CNTNAP2: variants seen among roughly 807,000 people sequenced by gnomAD.
The protein encoded by CNTNAP2 is contactin-associated protein-like 2.
Under a neutral mutation model 155.2 loss-of-function variants are expected in CNTNAP2, and 98 were observed. The observed-to-expected ratio is 0.63, with a 90% CI of 0.54 to 0.75. The LOEUF is 0.75. Among genes scored for constraint, CNTNAP2 ranks in the 30% least tolerant of loss-of-function variants. CNTNAP2 has a pLI of 0.00. For missense variants in CNTNAP2, 1,727 were observed against 1,688.1 expected, an observed-to-expected ratio of 1.02 and a Z score of -0.40; for synonymous variants, 651 against 631.2, an observed-to-expected ratio of 1.03 and a Z score of -0.47.
intron 14 of CNTNAP2, among the ~76,000 whole-genome samples, chr7:147,969,093 C>T (rs916026555): frequency 1.3e-5 from 2 of 152,166 alleles, no homozygotes; most frequent in African/African-American, 4.8e-5. Context: ...GACAAAATGT[C>T]TTGCTCTATA....
intron 1 of CNTNAP2, among the ~76,000 whole-genome samples, chr7:146,672,999 AT>A (rs888412684): frequency 3.9e-5 from 6 of 151,956 alleles, no homozygotes; most frequent in Non-Finnish European, 2.9e-5. Flanking sequence ...CTGCTCAGCA[AT>A]TTTTTTTCTT....
chr7:147,726,235 G>A (rs1006773532), intron 13 of CNTNAP2, among the ~76,000 whole-genome samples: 10 of 151,896 alleles, frequency 6.6e-5, no homozygotes, highest in African/African-American at 2.4e-4. Context: ...AATTTATTGA[G>A]AGAGATCTTG....
At chr7:146,843,856 G>A (rs190158551) in intron 3 of CNTNAP2, among the ~76,000 whole-genome samples, 7 of 152,154 alleles carry the variant, frequency 4.6e-5, no homozygotes, top group Admixed American at 4.6e-4. Flanking sequence ...ATATAGAGAA[G>A]ATTGGATGGC....
At chr7:147,219,795 G>A (rs1041806688) in intron 8 of CNTNAP2, among the ~76,000 whole-genome samples, 17 of 151,994 alleles carry the variant, frequency 1.1e-4, no homozygotes, top group African/African-American at 4.1e-4. Flanking sequence ...TTTTGTTGTT[G>A]TTGAGACGGA....
intron 8 of CNTNAP2, among the ~76,000 whole-genome samples, chr7:147,250,524 A>G (rs1804174503): frequency 6.6e-6 from 1 of 151,788 alleles, no homozygotes; most frequent in South Asian, 2.1e-4. Context: ...ATTGCCCCTT[A>G]TCCACTAAGC....
intron 4 of CNTNAP2, among the ~76,000 whole-genome samples, chr7:147,064,506 A>G (rs935245142): frequency 6.6e-6 from 1 of 152,144 alleles, no homozygotes; most frequent in African/African-American, 2.4e-5. Flanking sequence ...TAGAGATTTG[A>G]CATTTTCCCT....
chr7:147,157,572 T>A (rs537707762), intron 8 of CNTNAP2, among the ~76,000 whole-genome samples: 1 of 152,272 alleles, frequency 6.6e-6, no homozygotes, highest in South Asian at 2.1e-4. Context: ...ACTCTGCTCG[T>A]TTCCTTTAAC....
intron 12 of CNTNAP2, among the ~76,000 whole-genome samples, chr7:147,629,266 C>T (rs1196053569): frequency 1.3e-5 from 2 of 151,852 alleles, no homozygotes; most frequent in South Asian, 2.1e-4. Context: ...AGCCAAGCAA[C>T]GTGATGGGTG....
At chr7:147,658,501 C>T (rs1468177551) in intron 13 of CNTNAP2, among the ~76,000 whole-genome samples, 3 of 152,064 alleles carry the variant, frequency 2.0e-5, no homozygotes, top group Non-Finnish European at 4.4e-5. Flanking sequence ...ATATGGAGAG[C>T]CAAATTGTAA....
intron 9 of CNTNAP2, among the ~76,000 whole-genome samples, chr7:147,373,086 C>T (rs909391609): frequency 2.6e-5 from 4 of 151,974 alleles, no homozygotes; most frequent in South Asian, 2.1e-4. Context: ...TATTCTAACC[C>T]GTTATTGTTA....
intron 13 of CNTNAP2, among the ~76,000 whole-genome samples, chr7:147,864,700 G>A (rs1799197428): frequency 1.3e-5 from 2 of 152,064 alleles, no homozygotes; most frequent in East Asian, 1.9e-4. Flanking sequence ...ATTGTGAATG[G>A]GAGTTCACTC....
At chr7:146,255,761 T>C (rs114907336) in intron 1 of CNTNAP2, among the ~76,000 whole-genome samples, 3,159 of 152,152 alleles carry the variant, frequency 0.021, 101 homozygotes, top group African/African-American at 0.07. Flanking sequence ...GCACAGACTA[T>C]GAGATAGTTG....
intron 14 of CNTNAP2, among the ~76,000 whole-genome samples, chr7:147,935,163 T>C (rs1382575652): frequency 2.6e-5 from 4 of 152,034 alleles, no homozygotes; most frequent in African/African-American, 7.2e-5. Context: ...AGTCTCATTC[T>C]GTCGCCAGGC....
At chr7:147,268,021 T>G (rs971848950) in intron 8 of CNTNAP2, among the ~76,000 whole-genome samples, 1 of 152,194 alleles carries the variant, frequency 6.6e-6, no homozygotes, top group African/African-American at 2.4e-5. Context: ...CACTTTTCCC[T>G]GAAATCTGGC....
At chr7:146,832,872 A>G (rs1803540778) in intron 2 of CNTNAP2, among the ~76,000 whole-genome samples, 2 of 151,520 alleles carry the variant, frequency 1.3e-5, no homozygotes, top group South Asian at 4.2e-4. Context: ...ATTTTTGTAT[A>G]TTTTTTTAGT....
chr7:147,590,547 A>T (rs1488965482), intron 12 of CNTNAP2, among the ~76,000 whole-genome samples: 1 of 152,168 alleles, frequency 6.6e-6, no homozygotes, highest in Non-Finnish European at 1.5e-5. Flanking sequence ...ATGGTGAGTC[A>T]ATTAAGCCTC....
chr7:146,490,435 G>C (rs1035507815), intron 1 of CNTNAP2, among the ~76,000 whole-genome samples: 11 of 152,188 alleles, frequency 7.2e-5, no homozygotes, highest in African/African-American at 2.7e-4. Flanking sequence ...AACACAAAGT[G>C]TAAAGACTGT....
At chr7:147,246,571 AT>A (rs1290871984) in intron 8 of CNTNAP2, among the ~76,000 whole-genome samples, 1 of 152,128 alleles carries the variant, frequency 6.6e-6, no homozygotes, top group Non-Finnish European at 1.5e-5. Context: ...AAGGGCATTA[AT>A]TACACTCATG....
intron 21 of CNTNAP2, among the ~76,000 whole-genome samples, chr7:148,337,977 TTAAG>T (rs909665649): frequency 2.0e-5 from 3 of 152,226 alleles, no homozygotes; most frequent in Admixed American, 6.5e-5. Flanking sequence ...CTATTTTATA[TTAAG>T]TAGAGTTATG....
Sources: allele counts gnomAD v4.1 joint callset (sites outside exome capture counted in the v4.1 genomes callset), GRCh38; gene constraint gnomAD v4.1.1; transcripts MANE v1.5; gene names NCBI Gene and HGNC (gene_info 2026-07-23, HGNC 2026-07-21).